Variants in DENND4C observed in about 807,000 individuals in gnomAD.
DENND4C encodes the protein DENN domain-containing protein 4C.
In DENND4C, 108 loss-of-function variants were observed where a neutral mutation model predicts 203.0. The ratio of observed to expected loss-of-function variants is 0.53; its 90% CI spans 0.46 to 0.62. The LOEUF (loss-of-function observed/expected upper bound fraction) is 0.62, where lower values mean the gene tolerates loss of function less well. Ranked by LOEUF, DENND4C falls within the 20% of genes least tolerant of loss-of-function variation. The pLI, the probability that DENND4C is intolerant of heterozygous loss-of-function variation, is 0.00. For missense variants in DENND4C, 2,481 were observed against 2,301.2 expected, an observed-to-expected ratio of 1.08 and a Z score of -1.60; for synonymous variants, 871 against 792.4, an observed-to-expected ratio of 1.10 and a Z score of -1.67.
chr9:19,326,526 A>G (rs957749443), intron 15 of DENND4C, among the ~76,000 whole-genome samples: 1 of 152,168 alleles, frequency 6.6e-6, no homozygotes, highest in Non-Finnish European at 1.5e-5. Context: ...CTTATGAATT[A>G]GTAATTTACC....
intron 26 of DENND4C, among the ~76,000 whole-genome samples, chr9:19,356,251 T>G (rs192262369): frequency 8.5e-5 from 13 of 152,312 alleles, no homozygotes; most frequent in Admixed American, 5.2e-4. Flanking sequence ...CCAAAGACTT[T>G]GATATGCATA....
chr9:19,309,740 T>A (rs1042251004), intron 10 of DENND4C, among the ~76,000 whole-genome samples: 3 of 152,114 alleles, frequency 2.0e-5, no homozygotes, highest in Admixed American at 1.3e-4. Context: ...TTTTACCTTT[T>A]AAATTTTTTT....
chr9:19,299,036 A>G (rs1358711911), intron 7 of DENND4C, among the ~76,000 whole-genome samples, 193 bp from the exon 8 acceptor site: 3 of 152,132 alleles, frequency 2.0e-5, no homozygotes, highest in African/African-American at 7.2e-5. Flanking sequence ...AACTAATGTA[A>G]CACTTCTGAG....
At chr9:19,332,291 G>A (rs1019856498) in intron 17 of DENND4C, 107 bp downstream of exon 17, 3 of 842,920 alleles carry the variant, frequency 3.6e-6, no homozygotes, top group Middle Eastern at 2.7e-4. Context: ...TTTTCATTAA[G>A]CAGGAAAGGT....
Position 19,358,394 on chromosome 9 carries a change from T to C in DENND4C, c.5160+234T>C, listed in dbSNP as rs1332779517. Among the ~76,000 whole-genome samples, 4 of 152,212 alleles carry C rather than the reference T, an allele frequency of 2.6e-5. No homozygotes were observed. The highest frequency in any genetic ancestry group is 1.5e-5 in the Non-Finnish European group (1 of 68,030). On this transcript the variant is annotated intron_variant, in intron 28 of 32. Transcript: ENST00000434457. This position sits in a 1 kb window ranked among gnomAD's most constrained non-coding sequence, Gnocchi z 4.8. Reference sequence around the variant, plus strand: ...TTTTCAGTTTATGGCATTCTTCTTTTATGTATATTCTCATTCAGTTCTCTC... The same window carrying C: ...TTTTCAGTTTATGGCATTCTTCTTTCATGTATATTCTCATTCAGTTCTCTC...
intron 30 of DENND4C, among the ~76,000 whole-genome samples, chr9:19,366,556 A>G (rs1050351952): frequency 6.6e-6 from 1 of 152,160 alleles, no homozygotes; most frequent in African/African-American, 2.4e-5. Flanking sequence ...GTGAGCCAAG[A>G]TTGCGCCACT....
At chr9:19,287,468 C>G (rs949177974) in intron 3 of DENND4C, among the ~76,000 whole-genome samples, 14 of 151,900 alleles carry the variant, frequency 9.2e-5, no homozygotes, top group Non-Finnish European at 1.8e-4. Flanking sequence ...GCCTTGACCC[C>G]CCACCAGGCT....
chr9:19,330,202 A>ATTT (rs534386787), intron 16 of DENND4C, among the ~76,000 whole-genome samples: 33 of 150,622 alleles, frequency 2.2e-4, no homozygotes, highest in African/African-American at 7.3e-4. Flanking sequence ...TTATAGCAGA[A>ATTT]TTTTTTTTTT....
chr9:19,270,125 C>G (rs1323107814), intron 1 of DENND4C, among the ~76,000 whole-genome samples: 1 of 152,276 alleles, frequency 6.6e-6, no homozygotes, highest in Non-Finnish European at 1.5e-5. Flanking sequence ...AATGGCATCG[C>G]TCTCCATGCT....
chr9:19,234,092 A>T (rs199728730), intron 1 of DENND4C, among the ~76,000 whole-genome samples: 4 of 152,198 alleles, frequency 2.6e-5, no homozygotes, highest in Non-Finnish European at 5.9e-5. Flanking sequence ...TTAATTTAAC[A>T]TGCTTTCCCT....
chr9:19,290,933 A>ACAT, intron 5 of DENND4C, 57 bp downstream of exon 5: 1 of 1,509,882 alleles, frequency 6.6e-7, no homozygotes, highest in Non-Finnish European at 9.0e-7. Context: ...TTTCATAAAA[A>ACAT]GGTTAATACA....
chr9:19,289,547 G>T (rs1282546329), intron 4 of DENND4C, among the ~76,000 whole-genome samples: 2 of 152,096 alleles, frequency 1.3e-5, no homozygotes, highest in East Asian at 1.9e-4. Context: ...TGATACTGTA[G>T]GCTGGGCATG....
Position 19,352,630 on chromosome 9 carries a change from C to T in DENND4C, c.4746C>T (p.Leu1582=), listed in dbSNP as rs775947737. 6.2e-7 allele frequency: 1 copy of T among 1,611,398 alleles called. No individual in the cohort carries two copies. Among genetic ancestry groups the T allele is most frequent in the South Asian group, 1.1e-5 (1 of 90,714 alleles). The change falls in exon 26 of 33, where the codon CTC becomes CTT. Residue 1582 remains leucine, a synonymous_variant. Coordinates refer to ENST00000434457, the MANE Select transcript of DENND4C (RefSeq NM_001330640.2). The stretch of plus-strand genomic sequence containing the variant: ...GTAAAAGCAACTTCTTGCCTCTTCT[C>T]AATATAGAATTCAAAGATTTGAGAG... ...PFCKSNFLPL[L]NIEFKDLRGS... is the part of the protein sequence containing the mutation.
chr9:19,302,319 C>T (rs559064842), intron 9 of DENND4C, among the ~76,000 whole-genome samples: 1 of 152,296 alleles, frequency 6.6e-6, no homozygotes, highest in South Asian at 2.1e-4. Flanking sequence ...ATAAAATGTA[C>T]AAGTGCTTTA....
chr9:19,372,392 C>T lies in DENND4C; in HGVS notation c.*219C>T, dbSNP rs1828995749. On this transcript the variant is annotated 3_prime_UTR_variant, in exon 33 of 33. Transcript: ENST00000434457. ...CTTATTAATATTGAAGATTTTCAAC[C>T]CCTGAACTGCTTTTCTGCCTCTGTG... 4 of 449,984 alleles carry T rather than the reference C, an allele frequency of 8.9e-6. No individual in the cohort carries two copies. In the East Asian group the frequency reaches 1.5e-4, roughly 17 times the overall value. 27.9% of individuals were successfully genotyped at this position (449,984 alleles called of 1,614,324 possible). A position where few individuals can be genotyped will look rare whatever the true frequency, so the allele number is the denominator to read the frequency against.
intron 1 of DENND4C, among the ~76,000 whole-genome samples, chr9:19,271,180 A>T (rs1478434831): frequency 2.7e-5 from 4 of 150,830 alleles, no homozygotes; most frequent in Non-Finnish European, 5.9e-5. Context: ...CTTTTTTTTT[A>T]GGTAAAAATT....
intron 24 of DENND4C, 21 bp downstream of exon 24, chr9:19,350,900 T>C (rs765794023): frequency 6.3e-7 from 1 of 1,577,730 alleles, no homozygotes; most frequent in South Asian, 1.2e-5. Flanking sequence ...GGATTATCCT[T>C]TCTTCATTTG....
chr9:19,356,501 G>A (rs1327727226), intron 26 of DENND4C, among the ~76,000 whole-genome samples: 2 of 151,912 alleles, frequency 1.3e-5, no homozygotes, highest in Non-Finnish European at 2.9e-5. Context: ...ATAAAACAAT[G>A]AACAGAGAAG....
chr9:19,302,611 G>A (rs1838811352), intron 9 of DENND4C, among the ~76,000 whole-genome samples: 1 of 151,846 alleles, frequency 6.6e-6, no homozygotes, highest in African/African-American at 2.4e-5. Context: ...GATAGTTGCA[G>A]GTGTAACATA....
Sources: allele counts gnomAD v4.1 joint callset (sites outside exome capture counted in the v4.1 genomes callset), GRCh38; gene constraint gnomAD v4.1.1; non-coding constraint Gnocchi (gnomAD v3.1); transcripts MANE v1.5; gene names NCBI Gene and HGNC (gene_info 2026-07-23, HGNC 2026-07-21).